Variants in ANO10 observed in about 807,000 individuals in gnomAD.
ANO10 encodes anoctamin-10.
Under a neutral mutation model 74.7 loss-of-function variants are expected in ANO10, and 77 were observed. The observed-to-expected ratio is 1.03, with a 90% confidence interval of 0.86 to 1.25. The LOEUF is 1.25. Among genes scored for constraint, ANO10 ranks in the 50% most tolerant of loss-of-function variants. ANO10 has a pLI of 0.00. For missense variants in ANO10, 721 were observed against 778.1 expected (o/e 0.93, Z 0.87); for synonymous variants, 279 against 284.9 (o/e 0.98, Z 0.21).
At chr3:43,655,422 AGAGT>A (rs2083837644) in intron 1 of ANO10, among the ~76,000 whole-genome samples, 1 of 152,210 alleles carries the variant, frequency 6.6e-6, no homozygotes, top group African/African-American at 2.4e-5. Context: ...GTGGACCCAA[AGAGT>A]GAGCAGTAGC....
At position 43,576,811 on chromosome 3, in the gene ANO10, T is replaced by C. The variant is rs78839506; in HGVS notation, c.1043A>G (p.Glu348Gly). The change falls in exon 6 of 13, where the codon GAG (glutamate) becomes GGG (glycine). Residue 348 changes from glutamate (E) to glycine (G), a missense_variant. Transcript: ENST00000292246. Reference protein sequence around the residue: ...DMEVWALGLHENSGSEWTSVL... With the variant: ...DMEVWALGLHGNSGSEWTSVL... The stretch of plus-strand genomic sequence containing the variant: ...ACTGGTCCACTCAGACCCGCTGTTC[T>C]CATGTAGACCCAAGGCCCAAACCTC... 1.9e-6 allele frequency: 3 copies of C among 1,614,126 alleles called. No homozygotes were observed. In the East Asian group the frequency reaches 6.7e-5, roughly 36 times the overall value.
At position 43,555,409 on chromosome 3, in the gene ANO10, A is replaced by G. The variant is rs1575415900; in HGVS notation, c.1537T>C (p.Cys513Arg). 1.2e-6 allele frequency: 2 copies of G among 1,614,198 alleles called. No homozygotes were observed. Among genetic ancestry groups the G allele is most frequent in the Non-Finnish European group, 1.7e-6 (2 of 1,180,030 alleles). The change falls in exon 10 of 13, where the codon TGT (cysteine) becomes CGT (arginine). Residue 513 changes from cysteine (C) to arginine (R), a missense_variant. Physicochemically the swap from Cys to Arg is radical, Grantham distance 180. Transcript: ENST00000292246. ...LQFGYVSLFS[C>R]VYPLAAAFAV... ...AAGGCAGCTGCTAATGGGTAAACAC[A>G]GGAGAAAAGGCTCACATAACCAAAC...
chr3:43,431,848 C>T (rs980126759), intron 12 of ANO10, among the ~76,000 whole-genome samples: 4 of 152,062 alleles, frequency 2.6e-5, no homozygotes, highest in African/African-American at 7.2e-5. Context: ...GTCCTCTTCA[C>T]GTTCTTTTTT....
At chr3:43,530,653 T>TGA (rs959385444) in intron 11 of ANO10, among the ~76,000 whole-genome samples, 3 of 152,028 alleles carry the variant, frequency 2.0e-5, no homozygotes. Context: ...AGCAGTATTT[T>TGA]GAGAGAGAGA....
At position 43,561,357 on chromosome 3, in the gene ANO10, T is replaced by C. The variant is rs745940196; in HGVS notation, c.1339A>G (p.Met447Val). The change falls in exon 9 of 13, where the codon ATG (methionine) becomes GTG (valine). Residue 447 changes from methionine to valine, a missense_variant. Transcript: ENST00000292246. ...LITSQILNQI[M>V]ESFLPYWLQR... ...AGCCAATAAGGAAGAAAAGATTCCA[T>C]AATTTGGTTGAGGATCTGGGAGGTA... 5 of 1,614,104 alleles carry C rather than the reference T, an allele frequency of 3.1e-6. No individual in the cohort carries two copies. Among genetic ancestry groups the C allele is most frequent in the Non-Finnish European group, 4.2e-6 (5 of 1,180,002 alleles).
chr3:43,566,194 GAGTCTCGCTGATTGCTAGCACAGC>G (rs2080327703), intron 7 of ANO10, among the ~76,000 whole-genome samples: 1 of 152,232 alleles, frequency 6.6e-6, no homozygotes, highest in African/African-American at 2.4e-5. Context: ...TACGCCCACG[GAGTCTCGCTGATTGCTAGCACAGC>G]AGTCTGAGAT....
At chr3:43,662,228 A>G (rs577181099) in intron 1 of ANO10, among the ~76,000 whole-genome samples, 107 of 152,364 alleles carry the variant, frequency 7.0e-4, no homozygotes, top group African/African-American at 2.5e-3. Flanking sequence ...AGTTCAATCA[A>G]ATTAGAACTC....
intron 1 of ANO10, among the ~76,000 whole-genome samples, chr3:43,673,973 C>T (rs888231787): frequency 6.6e-6 from 1 of 152,082 alleles, no homozygotes; most frequent in African/African-American, 2.4e-5. Flanking sequence ...AAGTCACATA[C>T]GTCCAGAAAA....
intron 11 of ANO10, among the ~76,000 whole-genome samples, chr3:43,543,430 C>T (rs1477180759): frequency 6.6e-6 from 1 of 152,204 alleles, no homozygotes; most frequent in Non-Finnish European, 1.5e-5. Flanking sequence ...CGCTCTGTCA[C>T]CCAGGCTGGA....
chr3:43,474,783 T>C (rs1293129171), intron 11 of ANO10, among the ~76,000 whole-genome samples: 2 of 152,230 alleles, frequency 1.3e-5, no homozygotes, highest in Admixed American at 6.5e-5. Flanking sequence ...GCTGTTATCA[T>C]GCAACAAAAC....
chr3:43,501,249 G>C (rs2077090590), intron 11 of ANO10, among the ~76,000 whole-genome samples: 1 of 152,094 alleles, frequency 6.6e-6, no homozygotes, highest in Non-Finnish European at 1.5e-5. Context: ...AGGGAGGGGA[G>C]GTACCAGGCT....
intron 11 of ANO10, among the ~76,000 whole-genome samples, chr3:43,503,238 G>C (rs991364380): frequency 3.3e-5 from 5 of 152,038 alleles, no homozygotes; most frequent in Non-Finnish European, 7.4e-5. Context: ...AACATTACAG[G>C]TTTCAGAAAT....
Position 43,659,262 on chromosome 3 carries a change from C to G in ANO10, c.-12+32255G>C, listed in dbSNP as rs1010040207. ...CAAAGTAGGGTGGGGCGTCACCTCACCCGAGAAGTGCAAGGGGTCGGGGCA... is the reference window on the plus strand; with the variant it reads ...CAAAGTAGGGTGGGGCGTCACCTCAGCCGAGAAGTGCAAGGGGTCGGGGCA... On this transcript the variant is annotated intron_variant, in intron 1 of 3. Transcript: ENST00000413397. Among the ~76,000 whole-genome samples the G allele has an allele frequency of 4.6e-5, 7 of 152,186 alleles. No homozygotes were observed. The East Asian group carries it at 1.4e-3, about 29-fold the overall frequency.
intron 12 of ANO10, among the ~76,000 whole-genome samples, chr3:43,429,159 A>G (rs193058812): frequency 2.0e-5 from 3 of 152,280 alleles, no homozygotes; most frequent in Admixed American, 1.3e-4. Context: ...AATGGCAAAT[A>G]TAACACTCCT....
At chr3:43,675,287 C>A (rs1207466115) in intron 1 of ANO10, among the ~76,000 whole-genome samples, 1 of 152,000 alleles carries the variant, frequency 6.6e-6, no homozygotes, top group Non-Finnish European at 1.5e-5. Context: ...TAGAAAAAAA[C>A]ATAGGAGAAA....
chr3:43,579,997 T>G (rs1056578355), intron 5 of ANO10, among the ~76,000 whole-genome samples: 1 of 151,638 alleles, frequency 6.6e-6, no homozygotes, highest in African/African-American at 2.4e-5. Context: ...TACAAAAAAT[T>G]AGCTGGGGAT....
chr3:43,487,589 C>T (rs2076545767), intron 11 of ANO10, among the ~76,000 whole-genome samples: 2 of 152,008 alleles, frequency 1.3e-5, no homozygotes, highest in African/African-American at 2.4e-5. Flanking sequence ...AGTTTATTTG[C>T]GTAGAGGTGT....
intron 1 of ANO10, among the ~76,000 whole-genome samples, chr3:43,627,745 C>A (rs1319904455): frequency 1.3e-5 from 2 of 152,116 alleles, no homozygotes; most frequent in African/African-American, 4.8e-5. Flanking sequence ...GGCAATTTAT[C>A]TTTCTAATTG....
At chr3:43,592,209 C>T (rs1386159157) in intron 4 of ANO10, among the ~76,000 whole-genome samples, 1 of 152,208 alleles carries the variant, frequency 6.6e-6, no homozygotes, top group Admixed American at 6.5e-5. Context: ...GAAACTTCTG[C>T]AGACTTAAAC....
Sources: allele counts gnomAD v4.1 joint callset (sites outside exome capture counted in the v4.1 genomes callset), GRCh38; gene constraint gnomAD v4.1.1; transcripts MANE v1.5; gene names NCBI Gene and HGNC (gene_info 2026-07-23, HGNC 2026-07-21).